The following MAP7 variants were observed in gnomAD, a reference collection of about 807,000 sequenced individuals.
MAP7 encodes ensconsin.
A neutral mutation model predicts 94.8 loss-of-function variants in MAP7; 52 were observed. That is an observed-to-expected ratio of 0.55 (90% CI 0.44 to 0.69). The LOEUF (loss-of-function observed/expected upper bound fraction) is 0.69, where lower values mean the gene tolerates loss of function less well. MAP7 is among the 30% of genes least tolerant of loss of function. MAP7 has a pLI of 0.00. For synonymous variants in MAP7, 350 were observed against 357.0 expected, an observed-to-expected ratio of 0.98 and a Z score of 0.22; for missense variants, 940 against 964.6, an observed-to-expected ratio of 0.97 and a Z score of 0.34.
chr6:136,421,944 C>T (rs1055872398), intron 1 of MAP7, 145 bp from the exon 2 acceptor site: 9 of 619,224 alleles, frequency 1.5e-5, no homozygotes, highest in Non-Finnish European at 2.5e-5. Flanking sequence ...GTAGTTACAA[C>T]CTGTGCCCTC....
chr6:136,359,972 T>C lies in MAP7; in HGVS notation c.1854+9A>G, dbSNP rs1208148466. 2.5e-6 allele frequency: 4 copies of C among 1,613,148 alleles called. No individual in the cohort carries two copies. The highest frequency in any genetic ancestry group is 2.2e-5 in the East Asian group (1 of 44,854). On this transcript the variant is annotated intron_variant, in intron 14 of 17. Transcript: ENST00000354570. ...TACAAAAGTAGTTAGAAAACGGCCA[T>C]GTCAATACCTTATCTGTAGCTTCTG...
intron 15 of MAP7, among the ~76,000 whole-genome samples, chr6:136,358,651 G>A (rs1021410164): frequency 3.3e-5 from 5 of 152,152 alleles, no homozygotes; most frequent in Admixed American, 2.6e-4. Context: ...CACATAAACC[G>A]TTGGATTTGA....
intron 10 of MAP7, among the ~76,000 whole-genome samples, chr6:136,363,261 C>G (rs1418172722): frequency 6.6e-6 from 1 of 152,180 alleles, no homozygotes; most frequent in Non-Finnish European, 1.5e-5. Flanking sequence ...GCTTATATAT[C>G]CCAAGCTGCC....
intron 1 of MAP7, among the ~76,000 whole-genome samples, chr6:136,482,460 G>A (rs1344811464): frequency 6.6e-6 from 1 of 152,090 alleles, no homozygotes; most frequent in Non-Finnish European, 1.5e-5. Flanking sequence ...TATTAGCTGG[G>A]TGTGGTGGCA....
At chr6:136,497,521 T>C (rs1818615772) in intron 1 of MAP7, among the ~76,000 whole-genome samples, 1 of 147,062 alleles carries the variant, frequency 6.8e-6, no homozygotes, top group African/African-American at 2.6e-5. Context: ...TATGTCATCT[T>C]ACTTAAAAAA....
chr6:136,534,450 C>T (rs561197825), intron 1 of MAP7, among the ~76,000 whole-genome samples: 1 of 152,350 alleles, frequency 6.6e-6, no homozygotes, highest in Non-Finnish European at 1.5e-5. Flanking sequence ...ACCTTCCCAG[C>T]AACATCTAAT....
rs936048062 is a variant in MAP7 at position 136,360,814 on chromosome 6, C to T, written c.1702-16G>A. The stretch of plus-strand genomic sequence containing the variant: ...CTTCTTCTTTCTGAAAACAGAAGGT[C>T]GGCGTCTGCCTCTGACAAACAGGCG... On this transcript the variant is annotated splice_polypyrimidine_tract_variant and intron_variant, in intron 12 of 17. Coordinates refer to ENST00000354570, the MANE Select transcript of MAP7 (RefSeq NM_003980.6). 5 of 1,612,238 alleles carry T rather than the reference C, an allele frequency of 3.1e-6. No homozygotes were observed. The East Asian group carries it at 6.7e-5, about 22-fold the overall frequency.
In MAP7 at chr6:136,470,134, G is replaced by A. The variant is rs116538268; in HGVS notation, c.68-48335C>T. Among the ~76,000 whole-genome samples the A allele has an allele frequency of 5.2e-3, 793 of 152,160 alleles. 12 individuals carry two copies. The highest frequency in any genetic ancestry group is 0.018 in the African/African-American group (743 of 41,516). ...TGTGGAGGCCCTTCCCATCCTTTCCGATTCTCTCATCAAATCTGCAATCTG... is the reference window on the plus strand; with the variant it reads ...TGTGGAGGCCCTTCCCATCCTTTCCAATTCTCTCATCAAATCTGCAATCTG... On this transcript the variant is annotated intron_variant, in intron 1 of 17. Coordinates refer to ENST00000354570, the MANE Select transcript of MAP7 (RefSeq NM_003980.6).
intron 16 of MAP7, among the ~76,000 whole-genome samples, chr6:136,353,556 C>T (rs1396301244): frequency 6.6e-6 from 1 of 151,998 alleles, no homozygotes; most frequent in East Asian, 1.9e-4. Context: ...GATTTTACAG[C>T]TTTATTTATT....
intron 8 of MAP7, among the ~76,000 whole-genome samples, chr6:136,367,345 C>G (rs1232278130): frequency 2.0e-5 from 3 of 152,216 alleles, no homozygotes; most frequent in Non-Finnish European, 4.4e-5. Flanking sequence ...TATGTGAACA[C>G]CTGTCAGGAG....
intron 2 of MAP7, among the ~76,000 whole-genome samples, chr6:136,412,378 G>A (rs1190039625): frequency 6.6e-6 from 1 of 151,934 alleles, no homozygotes; most frequent in East Asian, 1.9e-4. Flanking sequence ...AGATTTCATG[G>A]GATTTACATT....
chr6:136,359,577 T>C (rs757086486), intron 15 of MAP7, among the ~76,000 whole-genome samples: 22 of 152,094 alleles, frequency 1.4e-4, no homozygotes, highest in Non-Finnish European at 2.4e-4. Flanking sequence ...ACATATTACA[T>C]AAGATGATTT....
intron 2 of MAP7, among the ~76,000 whole-genome samples, chr6:136,416,068 G>C (rs970316949): frequency 6.6e-6 from 1 of 152,194 alleles, no homozygotes; most frequent in African/African-American, 2.4e-5. Flanking sequence ...CCTGTGGCAG[G>C]TTAAAGATGG....
intron 1 of MAP7, among the ~76,000 whole-genome samples, chr6:136,493,186 C>T (rs537641336): frequency 3.5e-4 from 50 of 141,904 alleles, no homozygotes; most frequent in African/African-American, 1.3e-3. Context: ...TGCAATGGCA[C>T]GATCCGGCTC....
chr6:136,451,185 T>A (rs1196824939), intron 1 of MAP7, among the ~76,000 whole-genome samples: 1 of 152,218 alleles, frequency 6.6e-6, no homozygotes, highest in Admixed American at 6.5e-5. Flanking sequence ...TGTTTAGATA[T>A]TTCCTGATCA....
chr6:136,378,270 C>T (rs1776803503), intron 6 of MAP7, among the ~76,000 whole-genome samples: 2 of 152,104 alleles, frequency 1.3e-5, no homozygotes, highest in Non-Finnish European at 2.9e-5. Flanking sequence ...CAAAAGGCTT[C>T]CTAAGTACCT....
At chr6:136,420,917 T>C (rs1791130199) in intron 2 of MAP7, among the ~76,000 whole-genome samples, 1 of 152,228 alleles carries the variant, frequency 6.6e-6, no homozygotes, top group Non-Finnish European at 1.5e-5. Flanking sequence ...TGTGTCACTG[T>C]GCTTGAGTGA....
At chr6:136,514,393 T>G in intron 1 of MAP7, among the ~76,000 whole-genome samples, 1 of 152,014 alleles carries the variant, frequency 6.6e-6, no homozygotes, top group Non-Finnish European at 1.5e-5. Context: ...GAGACCAGCC[T>G]GGCCAACATG....
At chr6:136,420,743 A>G (rs1364314295) in intron 2 of MAP7, among the ~76,000 whole-genome samples, 5 of 152,216 alleles carry the variant, frequency 3.3e-5, no homozygotes, top group Non-Finnish European at 5.9e-5. Context: ...AGTATTTTCA[A>G]CAATACTTGT....
Sources: allele counts gnomAD v4.1 joint callset (sites outside exome capture counted in the v4.1 genomes callset), GRCh38; gene constraint gnomAD v4.1.1; transcripts MANE v1.5; gene names NCBI Gene and HGNC (gene_info 2026-07-23, HGNC 2026-07-21).